CNTNAP2: variants seen among roughly 807,000 people sequenced by gnomAD.
CNTNAP2 encodes the protein contactin associated protein 2, also known as contactin-associated protein-like 2.
CNTNAP2 carries 98 observed loss-of-function variants against 155.2 expected under a neutral mutation model. The ratio of observed to expected loss-of-function variants is 0.63; its 90% CI spans 0.54 to 0.75. The LOEUF is 0.75. Ranked by LOEUF, CNTNAP2 falls within the 30% of genes least tolerant of loss-of-function variation. The probability of loss-of-function intolerance (pLI) is 0.00; values close to 1 mark genes in which losing one functional copy is unlikely to be tolerated. For synonymous variants in CNTNAP2, 651 were observed against 631.2 expected, an observed-to-expected ratio of 1.03 and a Z score of -0.47; for missense variants, 1,727 against 1,688.1, an observed-to-expected ratio of 1.02 and a Z score of -0.40.
intron 14 of CNTNAP2, among the ~76,000 whole-genome samples, chr7:147,958,821 A>T (rs537872064): frequency 6.6e-6 from 1 of 152,270 alleles, no homozygotes; most frequent in South Asian, 2.1e-4. Context: ...CTCCCAACTC[A>T]TCAGTTTGCC....
intron 13 of CNTNAP2, among the ~76,000 whole-genome samples, chr7:147,786,273 A>G (rs1339118028): frequency 2.6e-5 from 4 of 152,198 alleles, no homozygotes; most frequent in Non-Finnish European, 5.9e-5. Flanking sequence ...AAATGCAATG[A>G]GATACAAAAT....
chr7:146,386,796 G>C (rs1430715913), intron 1 of CNTNAP2, among the ~76,000 whole-genome samples: 1 of 152,136 alleles, frequency 6.6e-6, no homozygotes, highest in Non-Finnish European at 1.5e-5. Context: ...AATTTTAGCA[G>C]TATCATATAA....
chr7:147,131,617 A>T (rs975968059), intron 7 of CNTNAP2, among the ~76,000 whole-genome samples: 3 of 152,058 alleles, frequency 2.0e-5, no homozygotes, highest in African/African-American at 7.2e-5. Flanking sequence ...AATTCATGGG[A>T]ATTTAAATGG....
At chr7:146,913,463 G>T (rs1796331358) in intron 3 of CNTNAP2, among the ~76,000 whole-genome samples, 1 of 152,108 alleles carries the variant, frequency 6.6e-6, no homozygotes, top group South Asian at 2.1e-4. Flanking sequence ...AGACTGAGTG[G>T]TTTATAAATG....
At chr7:146,916,249 G>A (rs1362101168) in intron 3 of CNTNAP2, among the ~76,000 whole-genome samples, 4 of 152,012 alleles carry the variant, frequency 2.6e-5, no homozygotes, top group African/African-American at 9.7e-5. Flanking sequence ...TTTTGCATCT[G>A]TGTTCATTAA....
intron 1 of CNTNAP2, among the ~76,000 whole-genome samples, chr7:146,157,598 G>T (rs986480594): frequency 6.6e-6 from 1 of 152,152 alleles, no homozygotes; most frequent in African/African-American, 2.4e-5. Context: ...TCCCGTGCAT[G>T]GCTTGGAGGG....
rs925039743 is a variant in CNTNAP2 at position 148,400,924 on chromosome 7, G to A, written c.3716-8467G>A. ...GAACCCAGGAAGCAGAGGTTGCAGT[G>A]AGCTGAGATTGTGCCACTACACTCC... On this transcript the variant is annotated intron_variant, in intron 22 of 23. Transcript: ENST00000361727. Among the ~76,000 whole-genome samples the A allele has an allele frequency of 5.9e-5, 9 of 151,390 alleles. No homozygotes were observed. In the South Asian group the frequency reaches 1.9e-3, roughly 32 times the overall value.
chr7:146,975,013 A>G (rs907829719), intron 3 of CNTNAP2, among the ~76,000 whole-genome samples: 4 of 152,200 alleles, frequency 2.6e-5, no homozygotes, highest in Non-Finnish European at 4.4e-5. Context: ...CAGTATATTC[A>G]CCAGGTATAC....
intron 3 of CNTNAP2, among the ~76,000 whole-genome samples, chr7:146,855,509 G>A (rs954468253): frequency 2.2e-4 from 33 of 152,022 alleles, no homozygotes; most frequent in African/African-American, 5.8e-4. Context: ...GAAGAAAACC[G>A]ATAAAATATA....
chr7:147,910,870 A>C (rs1181632126), intron 14 of CNTNAP2, among the ~76,000 whole-genome samples: 1 of 152,204 alleles, frequency 6.6e-6, no homozygotes, highest in African/African-American at 2.4e-5. Context: ...CAGCCAAACC[A>C]TATCAAAGAT....
intron 11 of CNTNAP2, among the ~76,000 whole-genome samples, chr7:147,537,313 A>G (rs1799560200): frequency 6.6e-6 from 1 of 152,226 alleles, no homozygotes; most frequent in South Asian, 2.1e-4. Flanking sequence ...CATAATCATA[A>G]AGCTATGAAT....
At chr7:147,319,835 G>A (rs1795314279) in intron 9 of CNTNAP2, among the ~76,000 whole-genome samples, 1 of 152,078 alleles carries the variant, frequency 6.6e-6, no homozygotes, top group South Asian at 2.1e-4. Flanking sequence ...TGGATGAAGG[G>A]GCTGGTATGG....
chr7:146,625,823 C>T (rs555329154), intron 1 of CNTNAP2, among the ~76,000 whole-genome samples: 2 of 152,062 alleles, frequency 1.3e-5, no homozygotes, highest in South Asian at 4.1e-4. Context: ...AATGAATTCT[C>T]CTACAAAGGA....
intron 3 of CNTNAP2, among the ~76,000 whole-genome samples, chr7:147,033,191 T>TATAC (rs1563051595): frequency 6.3e-4 from 58 of 91,394 alleles, no homozygotes; most frequent in African/African-American, 2.3e-3. Flanking sequence ...TATATATATA[T>TATAC]ATATATATAT....
At chr7:146,663,989 C>A (rs73455204) in intron 1 of CNTNAP2, among the ~76,000 whole-genome samples, 3,084 of 152,116 alleles carry the variant, frequency 0.02, 92 homozygotes, top group African/African-American at 0.071. Context: ...AAGTATGTTA[C>A]CTGCAGGCTT....
intron 11 of CNTNAP2, among the ~76,000 whole-genome samples, chr7:147,544,459 AG>A (rs1189017514): frequency 6.6e-6 from 1 of 152,164 alleles, no homozygotes; most frequent in Non-Finnish European, 1.5e-5. Flanking sequence ...ATGAGTTAAA[AG>A]GGTACTTTCA....
chr7:147,682,657 C>G (rs189056753), intron 13 of CNTNAP2, among the ~76,000 whole-genome samples: 18 of 151,934 alleles, frequency 1.2e-4, no homozygotes, highest in Non-Finnish European at 2.4e-4. Flanking sequence ...ACAGCTCACA[C>G]ACATCACACC....
intron 1 of CNTNAP2, among the ~76,000 whole-genome samples, chr7:146,151,651 T>TAC (rs1798043445): frequency 2.9e-4 from 6 of 20,938 alleles, no homozygotes; most frequent in Non-Finnish European, 4.8e-4. Context: ...TATATATATA[T>TAC]ATATATATAT....
At chr7:148,301,899 C>G (rs1459050903) in intron 21 of CNTNAP2, among the ~76,000 whole-genome samples, 2 of 152,200 alleles carry the variant, frequency 1.3e-5, no homozygotes, top group Admixed American at 6.6e-5. Flanking sequence ...GGACGAGACA[C>G]CTGGCCTATC....
Sources: gnomAD v4.1 joint callset for allele counts (sites outside exome capture counted in the v4.1 genomes callset) on GRCh38, gnomAD v4.1.1 for gene constraint, MANE v1.5 for transcripts, NCBI Gene and HGNC (gene_info 2026-07-23, HGNC 2026-07-21) for gene names.